MARCHF8: variants seen among roughly 807,000 people sequenced by gnomAD.
The protein encoded by MARCHF8 is membrane associated ring-CH-type finger 8, also known as E3 ubiquitin-protein ligase MARCHF8.
Under a neutral mutation model 51.6 loss-of-function variants are expected in MARCHF8, and 40 were observed. The ratio of observed to expected loss-of-function variants is 0.77; its 90% CI spans 0.60 to 1.01. The LOEUF (loss-of-function observed/expected upper bound fraction) is 1.01. Among genes scored for constraint, MARCHF8 ranks in the 50% least tolerant of loss-of-function variants. The pLI, the probability that MARCHF8 is intolerant of heterozygous loss-of-function variation, is 0.00. For missense variants in MARCHF8, 685 were observed against 708.6 expected (o/e 0.97, Z 0.38); for synonymous variants, 263 against 280.3 (o/e 0.94, Z 0.62).
intron 2 of MARCHF8, among the ~76,000 whole-genome samples, chr10:45,508,059 A>T (rs368965715): frequency 6.6e-6 from 1 of 152,140 alleles, no homozygotes; most frequent in African/African-American, 2.4e-5. Flanking sequence ...TTTCTCACTT[A>T]TGAAAGAGCC....
chr10:45,585,432 G>A (rs2044608097), intron 1 of MARCHF8, among the ~76,000 whole-genome samples: 1 of 152,104 alleles, frequency 6.6e-6, no homozygotes, highest in Non-Finnish European at 1.5e-5. Flanking sequence ...ACAAAAATAT[G>A]AATGAGTCTC....
In MARCHF8 at chr10:45,458,155, G is replaced by A. The variant is rs1228336473; in HGVS notation, c.*84C>T. The A allele has an allele frequency of 2.2e-6, 3 of 1,344,620 alleles. No individual in the cohort carries two copies. In the African/African-American group the frequency reaches 4.4e-5, roughly 20 times the overall value. The allele number at this position is 1,344,620 out of a possible 1,614,324, so 83.3% of individuals were successfully genotyped here. A position where few individuals can be genotyped will look rare whatever the true frequency, so the allele number is the denominator to read the frequency against. ...ACCTGTCCAGTCTATGCTATTAAAG[G>A]ACATAAGAAAGGTATACAATTGGCA... On this transcript the variant is annotated 3_prime_UTR_variant, in exon 8 of 8. Transcript: ENST00000453424.
rs947130249 is a variant in MARCHF8 at position 45,459,255 on chromosome 10, G to A, written c.1282C>T (p.Gln428Ter). ...TTCCTGCGCTCGCTGGACGTCATCTGCAACTTCTCCCACTAGAAAGACAAC... is the reference window on the plus strand; with the variant it reads ...TTCCTGCGCTCGCTGGACGTCATCTACAACTTCTCCCACTAGAAAGACAAC... The part of the protein sequence containing the change: ...LKPLRKWEKL[Q>*]MTSSERRKIM... The change falls in exon 7 of 8, where the codon CAG becomes TAG. Residue 428 changes from glutamine to a stop codon, truncating the protein, a stop_gained. Transcript: ENST00000453424. LOFTEE classifies it high-confidence loss of function. 1 of 1,613,808 alleles carries A rather than the reference G, an allele frequency of 6.2e-7. No individual in the cohort carries two copies. Among genetic ancestry groups the A allele is most frequent in the Non-Finnish European group, 8.5e-7 (1 of 1,179,928 alleles).
intron 2 of MARCHF8, among the ~76,000 whole-genome samples, chr10:45,505,264 C>A (rs763605542): frequency 4.6e-5 from 7 of 152,182 alleles, no homozygotes; most frequent in Non-Finnish European, 1.0e-4. Context: ...TCAGCATTGA[C>A]TTTCAGTAGG....
At chr10:45,518,951 G>C (rs184649332) in intron 2 of MARCHF8, among the ~76,000 whole-genome samples, 30 of 152,180 alleles carry the variant, frequency 2.0e-4, no homozygotes, top group African/African-American at 7.2e-4. Context: ...TAACACCTTC[G>C]TAACACTTCC....
rs149961802 is a variant in MARCHF8 at position 45,464,299 on chromosome 10, G to A, written c.182C>T (p.Pro61Leu). The A allele has an allele frequency of 2.6e-5, 42 of 1,614,088 alleles. No homozygotes were observed. Among genetic ancestry groups the A allele is most frequent in the Middle Eastern group, 3.3e-4 (2 of 6,084 alleles). Residue 61 changes from proline (P) to leucine (L), a missense_variant, in exon 4 of 8, where the codon CCG becomes CTG. Physicochemically the swap from Pro to Leu is moderately conservative, Grantham distance 98. Transcript: ENST00000453424. ...GCGAGAGAAGGAGGACACCGGAGCC[G>A]GAGCTGATGCTGACGGAGGACTCCC... ...KAGSPPSASA[P>L]APVSSFSRTS...
chr10:45,581,068 C>A (rs1462168481), intron 1 of MARCHF8, among the ~76,000 whole-genome samples: 1 of 152,098 alleles, frequency 6.6e-6, no homozygotes, highest in Non-Finnish European at 1.5e-5. Flanking sequence ...GTAGGAAGAC[C>A]TTAACCATGG....
chr10:45,513,375 C>T (rs2043566048), intron 2 of MARCHF8, among the ~76,000 whole-genome samples: 2 of 152,218 alleles, frequency 1.3e-5, no homozygotes, highest in South Asian at 4.1e-4. Context: ...TAACCACCTA[C>T]TATGAGCCAG....
chr10:45,523,909 A>T (rs2043749639), intron 2 of MARCHF8, among the ~76,000 whole-genome samples: 1 of 152,102 alleles, frequency 6.6e-6, no homozygotes, highest in African/African-American at 2.4e-5. Context: ...CCATCTCTAA[A>T]CTCTAAATAA....
chr10:45,559,195 G>A (rs975912537), intron 1 of MARCHF8, among the ~76,000 whole-genome samples: 10 of 152,202 alleles, frequency 6.6e-5, no homozygotes, highest in African/African-American at 2.4e-4. Flanking sequence ...CTCTGGGTAA[G>A]AATGAATGCC....
intron 3 of MARCHF8, among the ~76,000 whole-genome samples, chr10:45,469,729 G>A (rs887881631): frequency 6.6e-6 from 1 of 151,812 alleles, no homozygotes; most frequent in African/African-American, 2.4e-5. Context: ...GCCAGGCGTG[G>A]TGGCGGGCGC....
intron 3 of MARCHF8, among the ~76,000 whole-genome samples, chr10:45,465,800 T>C (rs1842945853): frequency 6.6e-6 from 1 of 152,234 alleles, no homozygotes; most frequent in South Asian, 2.1e-4. Flanking sequence ...CACCAAAGAA[T>C]CTACATTTAT....
rs748774435 is a variant in MARCHF8, at chr10:45,463,483, C to T, written c.756G>A (p.Thr252=). 33 of 1,550,518 alleles carry T rather than the reference C, an allele frequency of 2.1e-5. No individual in the cohort carries two copies. Among genetic ancestry groups the T allele is most frequent in the African/African-American group, 2.7e-5 (2 of 73,052 alleles). ...LLEEKADGEA[T]SRSRQLLQYL... ...ACTGGAGCAGTTGCCGGCTTCGGGA[C>T]GTGGCCTCACCATCCGCCTTCTCTT... The change falls in exon 5 of 8, where the codon ACG becomes ACA. Residue 252 remains threonine, a synonymous_variant. Transcript: ENST00000453424.
In MARCHF8 at chr10:45,459,197, G is replaced by C. The variant is rs1475082800; in HGVS notation, c.1340C>G (p.Ala447Gly). The C allele has an allele frequency of 1.2e-6, 2 of 1,613,944 alleles. No individual in the cohort carries two copies. The highest frequency in any genetic ancestry group is 3.3e-5 in the Admixed American group (2 of 59,970). ...CAAGGACCAGACCACACATGTGATG[G>C]CAATGACGTGGAATGTCACTGAGCA... ...IMCSVTFHVI[A>G]ITCVVWSLYV... Residue 447 changes from alanine to glycine, a missense_variant, in exon 7 of 8, where the codon GCC (alanine) becomes GGC (glycine). By Grantham distance (60) the Ala-to-Gly change is moderately conservative (BLOSUM62 0). Transcript: ENST00000453424.
At chr10:45,460,061 T>C (rs1842740426) in intron 6 of MARCHF8, among the ~76,000 whole-genome samples, 1 of 152,166 alleles carries the variant, frequency 6.6e-6, no homozygotes, top group African/African-American at 2.4e-5. Flanking sequence ...AGGCACCCAA[T>C]AAATTACAAG....
At chr10:45,459,299 GC>G in intron 6 of MARCHF8, 32 bp from the exon 7 acceptor site, 2 of 1,608,052 alleles carry the variant, frequency 1.2e-6, no homozygotes, top group Non-Finnish European at 1.7e-6. Flanking sequence ...TGAGGCTCAG[GC>G]TTCTGGGGAA....
intron 2 of MARCHF8, among the ~76,000 whole-genome samples, chr10:45,512,376 G>A (rs1285252302): frequency 2.7e-5 from 4 of 150,134 alleles, no homozygotes; most frequent in African/African-American, 7.4e-5. Flanking sequence ...CAGGCCAGCC[G>A]CCCCGTCCAG....
intron 3 of MARCHF8, among the ~76,000 whole-genome samples, chr10:45,486,304 G>A (rs1482336612): frequency 6.6e-6 from 1 of 152,150 alleles, no homozygotes; most frequent in African/African-American, 2.4e-5. Flanking sequence ...GGTGGCTCAC[G>A]CCTGTAATCC....
At chr10:45,525,565 C>G (rs979501700) in intron 2 of MARCHF8, among the ~76,000 whole-genome samples, 8 of 152,166 alleles carry the variant, frequency 5.3e-5, no homozygotes, top group African/African-American at 1.9e-4. Flanking sequence ...ACTCCCCATT[C>G]TTTAAAGTGG....
Sources: allele counts gnomAD v4.1 joint callset (sites outside exome capture counted in the v4.1 genomes callset), GRCh38; gene constraint gnomAD v4.1.1; transcripts MANE v1.5; gene names NCBI Gene and HGNC (gene_info 2026-07-23, HGNC 2026-07-21).